The following CPPED1 variants were observed in gnomAD, a reference collection of about 807,000 sequenced individuals.
CPPED1 encodes the protein serine/threonine-protein phosphatase CPPED1.
CPPED1 carries 28 observed loss-of-function variants against 28.0 expected under a neutral mutation model. The ratio of observed to expected loss-of-function variants is 1.00; its 90% CI spans 0.74 to 1.37. The LOEUF is 1.37. Among genes scored for constraint, CPPED1 ranks in the 40% most tolerant of loss-of-function variants. The pLI is 0.00. For missense variants in CPPED1, 504 were observed against 416.5 expected (o/e 1.21, Z -1.83); for synonymous variants, 198 against 180.2 (o/e 1.10, Z -0.79).
In CPPED1 at chr16:12,664,624, T is replaced by C. The variant is rs984321183; in HGVS notation, c.*262A>G. On this transcript the variant is annotated 3_prime_UTR_variant, in exon 4 of 4. Coordinates refer to ENST00000381774, the MANE Select transcript of CPPED1 (RefSeq NM_018340.3). This position sits in a 1 kb window ranked among gnomAD's most constrained non-coding sequence, Gnocchi z 4.2. ...TGAGAAACACAGCATTAGGAGAATT[T>C]ATTCAAACATCCATGCAGAGATAGT... 1.8e-5 allele frequency: 23 copies of C among 1,268,506 alleles called. No homozygotes were observed. The highest frequency in any genetic ancestry group is 3.0e-4 in the Middle Eastern group (1 of 3,280). The allele number at this position is 1,268,506 out of a possible 1,614,324, so 78.6% of individuals were successfully genotyped here.
chr16:12,737,651 T>C (rs1300040037), intron 2 of CPPED1, among the ~76,000 whole-genome samples: 1 of 152,202 alleles, frequency 6.6e-6, no homozygotes, highest in Non-Finnish European at 1.5e-5. Context: ...CTGAGCAGCT[T>C]ACTCTTGCCC....
intron 3 of CPPED1, among the ~76,000 whole-genome samples, chr16:12,689,203 A>G (rs1377575304): frequency 4.9e-5 from 7 of 143,574 alleles, no homozygotes; most frequent in Admixed American, 2.1e-4. Flanking sequence ...ATGATCAGCT[A>G]TATGAAAAGA....
intron 3 of CPPED1, among the ~76,000 whole-genome samples, chr16:12,692,272 T>C (rs2079967648): frequency 6.6e-6 from 1 of 152,036 alleles, no homozygotes. Context: ...CTTTAATTTG[T>C]CCCCGGTGTG....
intron 3 of CPPED1, among the ~76,000 whole-genome samples, chr16:12,675,350 C>T (rs2079872577): frequency 6.6e-6 from 1 of 152,108 alleles, no homozygotes; most frequent in Non-Finnish European, 1.5e-5. Context: ...AAATTACTGC[C>T]AGAAGAATTT....
intron 2 of CPPED1, among the ~76,000 whole-genome samples, chr16:12,727,789 G>T (rs1474040618): frequency 6.6e-6 from 1 of 152,144 alleles, no homozygotes; most frequent in Non-Finnish European, 1.5e-5. Context: ...CACACAGTTC[G>T]TAAATTATCC....
In CPPED1 at chr16:12,673,768, C is replaced by T. The variant is rs139718317; in HGVS notation, c.716-8653G>A. On this transcript the variant is annotated intron_variant, in intron 3 of 3. Coordinates refer to ENST00000381774, the MANE Select transcript of CPPED1 (RefSeq NM_018340.3). ...AGAGGACTAGCAATAAAGATGAGGC[C>T]GGGTGCGGTGGCTCCCACTTGTAAT... is the stretch of plus-strand genomic sequence containing the variant. Among the ~76,000 whole-genome samples, 105 of 152,220 alleles carry T rather than the reference C, an allele frequency of 6.9e-4. 1 individual carries two copies. In the Middle Eastern group the frequency reaches 0.01, roughly 15 times the overall value.
chr16:12,714,067 A>G (rs996527686), intron 2 of CPPED1, among the ~76,000 whole-genome samples: 1 of 152,196 alleles, frequency 6.6e-6, no homozygotes, highest in African/African-American at 2.4e-5. Flanking sequence ...TTCACTTTGC[A>G]TGATGTTTTC....
intron 2 of CPPED1, among the ~76,000 whole-genome samples, chr16:12,735,998 T>G (rs554909107): frequency 1.1e-4 from 17 of 152,220 alleles, no homozygotes; most frequent in Non-Finnish European, 2.2e-4. Flanking sequence ...CATAAAGGGA[T>G]CAGGTCACCT....
intron 2 of CPPED1, among the ~76,000 whole-genome samples, chr16:12,773,645 C>T (rs1342675061): frequency 1.3e-5 from 2 of 152,090 alleles, no homozygotes; most frequent in Non-Finnish European, 1.5e-5. Context: ...TGCTTGAACC[C>T]GGGAGGTGGA....
chr16:12,671,845 T>C (rs2079854215), intron 3 of CPPED1, among the ~76,000 whole-genome samples: 1 of 152,232 alleles, frequency 6.6e-6, no homozygotes, highest in East Asian at 1.9e-4. Context: ...GTATTTTCAC[T>C]GTACCTTCTC....
At chr16:12,753,667 C>A (rs2080345475) in intron 2 of CPPED1, among the ~76,000 whole-genome samples, 1 of 152,110 alleles carries the variant, frequency 6.6e-6, no homozygotes, top group Non-Finnish European at 1.5e-5. Flanking sequence ...TCATAAATTC[C>A]CCCTTCCTCA....
intron 2 of CPPED1, among the ~76,000 whole-genome samples, chr16:12,732,392 G>A (rs930938565): frequency 2.0e-5 from 3 of 149,418 alleles, no homozygotes; most frequent in Non-Finnish European, 3.0e-5. Context: ...CAGAACAAGA[G>A]GTCCAATATT....
chr16:12,702,970 C>T (rs1300125373), intron 3 of CPPED1, among the ~76,000 whole-genome samples: 3 of 150,880 alleles, frequency 2.0e-5, no homozygotes, highest in Non-Finnish European at 2.9e-5. Flanking sequence ...CGAGATGGTG[C>T]CACTGCACTC....
intron 2 of CPPED1, among the ~76,000 whole-genome samples, chr16:12,776,240 G>A (rs569419576): frequency 3.3e-5 from 5 of 152,274 alleles, no homozygotes; most frequent in African/African-American, 7.2e-5. Flanking sequence ...GCCAAGAAAC[G>A]CAGTTGGCCT....
rs2079814720 is a variant in CPPED1, at chr16:12,664,646, T to C, written c.*240A>G. The stretch of plus-strand genomic sequence containing the variant: ...ATTTATTCAAACATCCATGCAGAGA[T>C]AGTCTAATATTTTAAAAACTGATTT... On this transcript the variant is annotated 3_prime_UTR_variant, in exon 4 of 4. Coordinates refer to ENST00000381774, the MANE Select transcript of CPPED1 (RefSeq NM_018340.3). The surrounding 1 kb of genome is among the most constrained non-coding windows in gnomAD (Gnocchi z 4.2). 7.5e-7 allele frequency: 1 copy of C among 1,338,148 alleles called. No individual in the cohort carries two copies. The highest frequency in any genetic ancestry group is 1.5e-5 in the African/African-American group (1 of 66,046). The allele number at this position is 1,338,148 out of a possible 1,614,324, so 82.9% of individuals were successfully genotyped here.
chr16:12,694,199 C>A (rs552789287), intron 3 of CPPED1, among the ~76,000 whole-genome samples: 1 of 152,060 alleles, frequency 6.6e-6, no homozygotes, highest in African/African-American at 2.4e-5. Flanking sequence ...GAGTGAGACC[C>A]TCTCACAAAA....
At chr16:12,740,663 G>A (rs879406622) in intron 2 of CPPED1, among the ~76,000 whole-genome samples, 1 of 152,138 alleles carries the variant, frequency 6.6e-6, no homozygotes, top group Non-Finnish European at 1.5e-5. Context: ...ATATAGCAGG[G>A]GTTTTCAGCC....
At chr16:12,751,534 G>A (rs961593149) in intron 2 of CPPED1, among the ~76,000 whole-genome samples, 2 of 152,186 alleles carry the variant, frequency 1.3e-5, no homozygotes, top group Non-Finnish European at 2.9e-5. Flanking sequence ...AGCTCCTGCA[G>A]CCATTTTGTA....
chr16:12,758,920 T>C (rs936029258), intron 2 of CPPED1, among the ~76,000 whole-genome samples: 3 of 151,750 alleles, frequency 2.0e-5, no homozygotes, highest in Admixed American at 6.6e-5. Flanking sequence ...TCCAGCACTC[T>C]GGGAGGCAGA....
Sources: allele counts gnomAD v4.1 joint callset (sites outside exome capture counted in the v4.1 genomes callset), GRCh38; gene constraint gnomAD v4.1.1; non-coding constraint Gnocchi (gnomAD v3.1); transcripts MANE v1.5; gene names NCBI Gene and HGNC (gene_info 2026-07-23, HGNC 2026-07-21).